DIDO1: variants seen among roughly 807,000 people sequenced by gnomAD.
DIDO1 encodes the protein death-inducer obliterator 1.
In DIDO1, 16 loss-of-function variants were observed where a neutral mutation model predicts 99.4. The observed-to-expected ratio is 0.16, with a 90% confidence interval of 0.11 to 0.24. The LOEUF is 0.24. Ranked by LOEUF, DIDO1 falls within the 10% of genes least tolerant of loss-of-function variation. DIDO1 has a pLI of 1.00. For missense variants in DIDO1, 2,996 were observed against 3,014.0 expected, an observed-to-expected ratio of 0.99 and a Z score of 0.14; for synonymous variants, 1,366 against 1,239.1, an observed-to-expected ratio of 1.10 and a Z score of -2.15.
intron 1 of DIDO1, among the ~76,000 whole-genome samples, chr20:62,936,642 G>C (rs959980886): frequency 2.0e-5 from 3 of 152,170 alleles, no homozygotes; most frequent in African/African-American, 7.2e-5. Context: ...GAGGCGGGCG[G>C]ATCACGAGGT....
intron 15 of DIDO1, among the ~76,000 whole-genome samples, chr20:62,885,506 A>C (rs117731554): frequency 8.9e-4 from 136 of 152,234 alleles, no homozygotes; most frequent in Non-Finnish European, 1.7e-3. Context: ...CCCTGGCAAG[A>C]CTCGTTAGTC....
At chr20:62,922,196 G>A (rs200533820) in intron 1 of DIDO1, among the ~76,000 whole-genome samples, 28 of 86,948 alleles carry the variant, frequency 3.2e-4, no homozygotes, top group South Asian at 1.2e-3. Flanking sequence ...GTGTGTGTGT[G>A]TATATATATA....
At position 62,879,234 on chromosome 20, in the gene DIDO1, T is replaced by TAGGCCTGCGAGGCGGTGCCAGCGTCGG; in HGVS notation, c.6695_6721dup (p.Ser2232_Ala2240dup). 1 of 1,517,006 alleles carries TAGGCCTGCGAGGCGGTGCCAGCGTCGG rather than the reference T, an allele frequency of 6.6e-7. No individual in the cohort carries two copies. Among genetic ancestry groups the TAGGCCTGCGAGGCGGTGCCAGCGTCGG allele is most frequent in the Non-Finnish European group, 8.8e-7 (1 of 1,137,992 alleles). 94.0% of individuals were successfully genotyped at this position (1,517,006 alleles called of 1,614,324 possible). On this transcript the variant is annotated inframe_insertion, in exon 16 of 16. Transcript: ENST00000395343. The surrounding 1 kb of genome is among the most constrained non-coding windows in gnomAD (Gnocchi z 6.3). ...AGGGTCTCTGCCCGGCCGGGGCGTC[T>TAGGCCTGCGAGGCGGTGCCAGCGTCGG]AGGCCTGCGAGGCGGTGCCAGCGTC...
intron 6 of DIDO1, among the ~76,000 whole-genome samples, chr20:62,902,460 G>A (rs1290599965): frequency 6.6e-6 from 1 of 152,150 alleles, no homozygotes; most frequent in Admixed American, 6.5e-5. Context: ...GACAACTCTG[G>A]AGGAGACAGA....
At position 62,894,551 on chromosome 20, in the gene DIDO1, A is replaced by G; in HGVS notation, c.2437-3T>C. On this transcript the variant is annotated splice_region_variant and splice_polypyrimidine_tract_variant and intron_variant, in intron 10 of 15. Coordinates refer to ENST00000395343, the MANE Select transcript of DIDO1 (RefSeq NM_001193369.2). The surrounding 1 kb of genome is among the most constrained non-coding windows in gnomAD (Gnocchi z 4.4). Reference sequence around the variant, plus strand: ...GCACGTGCTGACTCTTGCTGTTCCTAAAAAAGAAAAAGAAAAAAAAGTGAG... The same window carrying G: ...GCACGTGCTGACTCTTGCTGTTCCTGAAAAAGAAAAAGAAAAAAAAGTGAG... 1 of 1,604,586 alleles carries G rather than the reference A, an allele frequency of 6.2e-7. No homozygotes were observed. Among genetic ancestry groups the G allele is most frequent in the Non-Finnish European group, 8.5e-7 (1 of 1,176,864 alleles).
Position 62,909,935 on chromosome 20 carries a change from T to C in DIDO1, c.925A>G (p.Arg309Gly), listed in dbSNP as rs1214949901. Residue 309 changes from arginine (R) to glycine (G), a missense_variant, in exon 4 of 16, where the codon AGG (arginine) becomes GGG (glycine). Around this residue, in one of 5 missense-constraint regions of DIDO1, gnomAD observed 898 missense variants for 972.7 expected, o/e 0.92. Transcript: ENST00000395343. ...GGGCAGATATAGTCTTCCCCATTCC[T>C]TTCCAAAAGCCTCCCTCGAGCCTCA... ...ISEARGRLLERNGEDYICPNC... is the reference protein window; with the variant it reads ...ISEARGRLLEGNGEDYICPNC... The C allele has an allele frequency of 2.5e-6, 4 of 1,614,066 alleles. No homozygotes were observed. Among genetic ancestry groups the C allele is most frequent in the South Asian group, 1.1e-5 (1 of 91,080 alleles).
chr20:62,906,719 AG>A (rs545312401), intron 5 of DIDO1, among the ~76,000 whole-genome samples: 82,806 of 151,646 alleles, frequency 0.55, 24,048 homozygotes, highest in African/African-American at 0.75. Flanking sequence ...AATAACACGG[AG>A]TTCTTTCCAA....
chr20:62,894,930 CG>C lies in DIDO1; in HGVS notation c.2332-17del. Reference sequence around the variant, plus strand: ...ACTCCATCACCTGAAATGAAAAAGACGAAACAGAGCTTAGGCCTTGTTTTCT... The same window carrying C: ...ACTCCATCACCTGAAATGAAAAAGACAAACAGAGCTTAGGCCTTGTTTTCT... On this transcript the variant is annotated splice_polypyrimidine_tract_variant and intron_variant, in intron 9 of 15. Coordinates refer to ENST00000395343, the MANE Select transcript of DIDO1 (RefSeq NM_001193369.2). This position sits in a 1 kb window ranked among gnomAD's most constrained non-coding sequence, Gnocchi z 4.4. The C allele has an allele frequency of 6.2e-7, 1 of 1,611,034 alleles. No individual in the cohort carries two copies. Among genetic ancestry groups the C allele is most frequent in the Non-Finnish European group, 8.5e-7 (1 of 1,178,330 alleles).
intron 1 of DIDO1, among the ~76,000 whole-genome samples, chr20:62,936,713 A>T (rs577737699): frequency 6.7e-6 from 1 of 149,638 alleles, no homozygotes; most frequent in Non-Finnish European, 1.5e-5. Flanking sequence ...AAAATACAAA[A>T]ATTAGCTGGG....
chr20:62,901,817 G>C (rs931634036), intron 6 of DIDO1, among the ~76,000 whole-genome samples: 1 of 113,068 alleles, frequency 8.8e-6, no homozygotes, highest in African/African-American at 3.0e-5. Context: ...TGTGTTAACA[G>C]AAAAAAAAAA....
chr20:62,885,811 A>C (rs1284177501), intron 15 of DIDO1, among the ~76,000 whole-genome samples: 1 of 152,258 alleles, frequency 6.6e-6, no homozygotes, highest in Non-Finnish European at 1.5e-5. Context: ...CTCTTCGTGG[A>C]AGGAGCAGTG....
intron 13 of DIDO1, among the ~76,000 whole-genome samples, chr20:62,892,524 G>A (rs897559729): frequency 5.3e-5 from 8 of 152,200 alleles, no homozygotes; most frequent in South Asian, 2.1e-4. Context: ...GTGGCTGTGC[G>A]CACAGCCATG....
At chr20:62,921,801 T>TTG (rs10657976) in intron 1 of DIDO1, among the ~76,000 whole-genome samples, 43,819 of 149,592 alleles carry the variant, frequency 0.29, 6,599 homozygotes, top group Middle Eastern at 0.37. Context: ...TGCCCAGCTA[T>TTG]TGTGTGTGTG....
At chr20:62,891,298 A>T in intron 14 of DIDO1, 143 bp from the exon 15 acceptor site, 2 of 1,413,222 alleles carry the variant, frequency 1.4e-6, no homozygotes, top group South Asian at 2.8e-5. Flanking sequence ...TGTCTCAGTG[A>T]GGCAATTCAC....
At chr20:62,933,887 G>A (rs936975459) in intron 1 of DIDO1, among the ~76,000 whole-genome samples, 1 of 152,182 alleles carries the variant, frequency 6.6e-6, no homozygotes, top group Non-Finnish European at 1.5e-5. Context: ...GTTCTTTTAA[G>A]ATTAATATAC....
In DIDO1 at chr20:62,896,494, C is replaced by T; in HGVS notation, c.2054+37G>A. On this transcript the variant is annotated intron_variant, in intron 7 of 15. Coordinates refer to ENST00000395343, the MANE Select transcript of DIDO1 (RefSeq NM_001193369.2). The surrounding 1 kb of genome is among the most constrained non-coding windows in gnomAD (Gnocchi z 4.4). ...AGCCACACTCTAATGAAAGCCCTTC[C>T]ATTTTAATGGGTAAGAAATCAAGCA... 1 of 1,579,042 alleles carries T rather than the reference C, an allele frequency of 6.3e-7. No individual in the cohort carries two copies. Among genetic ancestry groups the T allele is most frequent in the East Asian group, 2.2e-5 (1 of 44,564 alleles).
chr20:62,904,048 T>G (rs940679032), intron 6 of DIDO1, among the ~76,000 whole-genome samples: 1 of 152,230 alleles, frequency 6.6e-6, no homozygotes, highest in African/African-American at 2.4e-5. Flanking sequence ...ACTCCACATG[T>G]GGAGTCTCTG....
chr20:62,931,468 G>A (rs1465286240), upstream of DIDO1, among the ~76,000 whole-genome samples: 1 of 152,108 alleles, frequency 6.6e-6, no homozygotes, highest in Admixed American at 6.5e-5. Context: ...ATCTTTAAAG[G>A]AACACAGCAA....
At chr20:62,932,403 C>A (rs926637542) in intron 1 of DIDO1, among the ~76,000 whole-genome samples, 1 of 152,172 alleles carries the variant, frequency 6.6e-6, no homozygotes, top group South Asian at 2.1e-4. Flanking sequence ...AGAGAACTAT[C>A]CACATGTATG....
Sources: gnomAD v4.1 joint callset for allele counts (sites outside exome capture counted in the v4.1 genomes callset) on GRCh38, gnomAD v4.1.1 for gene constraint, gnomAD v4.1.1 regional missense constraint, Gnocchi (gnomAD v3.1) non-coding constraint, MANE v1.5 for transcripts, NCBI Gene and HGNC (gene_info 2026-07-23, HGNC 2026-07-21) for gene names.